Variants in MTAP observed in about 807,000 individuals in gnomAD.
MTAP encodes the protein methylthioadenosine phosphorylase.
A neutral mutation model predicts 33.6 loss-of-function variants in MTAP; 33 were observed. The ratio of observed to expected loss-of-function variants is 0.98; its 90% confidence interval spans 0.74 to 1.31. The LOEUF (loss-of-function observed/expected upper bound fraction) is 1.31, where lower values mean the gene tolerates loss of function less well. MTAP is among the 40% of genes most tolerant of loss of function. The pLI is 0.00. For missense variants in MTAP, 367 were observed against 360.0 expected (o/e 1.02, Z -0.16); for synonymous variants, 148 against 125.7 (o/e 1.18, Z -1.19).
At chr9:21,913,170 G>C (rs1353432663) in intron 1 of MTAP, among the ~76,000 whole-genome samples, 1 of 152,190 alleles carries the variant, frequency 6.6e-6, no homozygotes, top group Non-Finnish European at 1.5e-5. Flanking sequence ...CTCATGGATA[G>C]GAAGAATCAA....
Position 21,816,065 on chromosome 9 carries a change from C to T in MTAP, c.120+546C>T, listed in dbSNP as rs370498659. Among the ~76,000 whole-genome samples, 18 of 152,218 alleles carry T rather than the reference C, an allele frequency of 1.2e-4. No individual in the cohort carries two copies. The East Asian group carries it at 2.7e-3, about 23-fold the overall frequency. ...CAAGCCCATGTCACTCAGCCTAGGC[C>T]GGGGTGAGGGTGTCTGCATTCTCCT... On this transcript the variant is annotated intron_variant, in intron 2 of 7. Coordinates refer to ENST00000644715, the MANE Select transcript of MTAP (RefSeq NM_002451.4).
chr9:21,803,002 AC>A, intron 1 of MTAP: 3 of 927,790 alleles, frequency 3.2e-6, no homozygotes, highest in Non-Finnish European at 1.5e-6. Context: ...ACACACACAC[AC>A]ACACACACAC....
At chr9:21,825,116 A>G (rs1020864674) in intron 4 of MTAP, among the ~76,000 whole-genome samples, 12 of 152,050 alleles carry the variant, frequency 7.9e-5, no homozygotes, top group African/African-American at 2.9e-4. Context: ...TCCGGCACCC[A>G]CTGTCCGACA....
In MTAP at chr9:21,912,992, G is replaced by A. The variant is rs956568980; in HGVS notation, c.148-18016G>A. 2.0e-5 allele frequency among the ~76,000 whole-genome samples: 3 copies of A among 151,322 alleles called. No homozygotes were observed. The South Asian group carries it at 6.3e-4, about 32-fold the overall frequency. On this transcript the variant is annotated intron_variant, in intron 1 of 1. Transcript: ENST00000577563. ...CAAGCATTCTTATACACCAATAACA[G>A]ACAGAGAGCCAAATCATGAGTGAAC...
intron 5 of MTAP, among the ~76,000 whole-genome samples, chr9:21,844,556 G>A (rs2118399526): frequency 6.6e-6 from 1 of 152,306 alleles, no homozygotes; most frequent in East Asian, 1.9e-4. Context: ...TCATACCAGT[G>A]ATGAAGGGAT....
chr9:21,899,884 C>T (rs1818361400), intron 1 of MTAP, among the ~76,000 whole-genome samples: 1 of 152,126 alleles, frequency 6.6e-6, no homozygotes, highest in Non-Finnish European at 1.5e-5. Flanking sequence ...TGCACACCTA[C>T]AATCATCTGA....
Position 21,862,234 on chromosome 9 carries a change from T to C in MTAP, c.*220T>C, listed in dbSNP as rs946887125. 4.2e-6 allele frequency: 5 copies of C among 1,182,816 alleles called. No individual in the cohort carries two copies. The African/African-American group carries it at 6.3e-5, about 15-fold the overall frequency. 73.3% of individuals were successfully genotyped at this position (1,182,816 alleles called of 1,614,324 possible). ...AAGAAAAGCAAATGACTAGTAAACA[T>C]GTGGGAAAAAATATTACATTTTAAG... On this transcript the variant is annotated 3_prime_UTR_variant, in exon 8 of 8. Transcript: ENST00000644715.
chr9:21,930,053 T>C (rs1454969885), intron 1 of MTAP: 7 of 432,962 alleles, frequency 1.6e-5, no homozygotes, highest in Middle Eastern at 3.6e-4. Context: ...CCCAAGCTCA[T>C]GCAGTACTTG....
At chr9:21,856,689 G>A (rs1182957262) in intron 6 of MTAP, among the ~76,000 whole-genome samples, 1 of 152,164 alleles carries the variant, frequency 6.6e-6, no homozygotes, top group African/African-American at 2.4e-5. Context: ...GAAAAGCAGA[G>A]AAATTAAGCT....
At chr9:21,920,351 A>C (rs1818768426) in intron 1 of MTAP, among the ~76,000 whole-genome samples, 2 of 152,176 alleles carry the variant, frequency 1.3e-5, no homozygotes, top group Admixed American at 6.5e-5. Flanking sequence ...GAGCAATGAA[A>C]AGAGATTTTC....
chr9:21,832,156 G>A (rs754997864), intron 4 of MTAP, among the ~76,000 whole-genome samples: 2 of 152,080 alleles, frequency 1.3e-5, no homozygotes, highest in South Asian at 4.1e-4. Context: ...CTTTTGTCAC[G>A]CATTCTTACT....
rs145028875 is a variant in MTAP, at chr9:21,865,351, A to G, written c.*3337A>G. 9.2e-4 allele frequency: 723 copies of G among 787,890 alleles called. 4 individuals carry two copies. The African/African-American group carries it at 0.012, about 13-fold the overall frequency. The allele number at this position is 787,890 out of a possible 1,614,324, so 48.8% of individuals were successfully genotyped here. On this transcript the variant is annotated 3_prime_UTR_variant, in exon 8 of 8. Transcript: ENST00000644715. ...TAAGTTTCCTGAGGCCTTCCCAGCTATGTGGAACTGTGAGTTAATTAAACC... is the reference window on the plus strand; with the variant it reads ...TAAGTTTCCTGAGGCCTTCCCAGCTGTGTGGAACTGTGAGTTAATTAAACC...
chr9:21,824,539 T>C (rs189366005), intron 4 of MTAP, among the ~76,000 whole-genome samples: 1 of 152,326 alleles, frequency 6.6e-6, no homozygotes, highest in Non-Finnish European at 1.5e-5. Context: ...GTTAGCCTAC[T>C]CGGGGTTCAG....
intron 5 of MTAP, among the ~76,000 whole-genome samples, chr9:21,839,527 T>C (rs953436675): frequency 1.3e-5 from 2 of 152,152 alleles, no homozygotes; most frequent in South Asian, 2.1e-4. Flanking sequence ...GGGTCTGTGG[T>C]GATAATTTCC....
At chr9:21,807,143 G>A (rs1354158569) in intron 1 of MTAP, among the ~76,000 whole-genome samples, 6 of 152,182 alleles carry the variant, frequency 3.9e-5, no homozygotes, top group South Asian at 2.1e-4. Flanking sequence ...CAGCCTGGGC[G>A]ACAGAGTAAG....
intron 1 of MTAP, among the ~76,000 whole-genome samples, chr9:21,909,606 G>A (rs1006240751): frequency 6.6e-6 from 1 of 152,118 alleles, no homozygotes. Flanking sequence ...GGCATACTAA[G>A]CTAATAAGTA....
At chr9:21,897,699 G>A (rs964007021) in intron 1 of MTAP, among the ~76,000 whole-genome samples, 10 of 152,142 alleles carry the variant, frequency 6.6e-5, no homozygotes, top group African/African-American at 2.2e-4. Context: ...TCTTCAAGAA[G>A]AACTAGAAAC....
At chr9:21,920,102 T>A (rs1818762829) in intron 1 of MTAP, among the ~76,000 whole-genome samples, 1 of 152,074 alleles carries the variant, frequency 6.6e-6, no homozygotes, top group Non-Finnish European at 1.5e-5. Context: ...GGAATTAGAC[T>A]AGAGTAGATT....
At chr9:21,825,285 C>T (rs1025057939) in intron 4 of MTAP, among the ~76,000 whole-genome samples, 9 of 152,098 alleles carry the variant, frequency 5.9e-5, no homozygotes, top group Non-Finnish European at 7.3e-5. Flanking sequence ...TGTTGATGGA[C>T]GTTTATGTTG....
Sources: gnomAD v4.1 joint callset for allele counts (sites outside exome capture counted in the v4.1 genomes callset) on GRCh38, gnomAD v4.1.1 for gene constraint, MANE v1.5 for transcripts, NCBI Gene and HGNC (gene_info 2026-07-23, HGNC 2026-07-21) for gene names.